The following PDE4B variants were observed in gnomAD, a reference collection of about 807,000 sequenced individuals.
PDE4B encodes phosphodiesterase 4B, also known as 3',5'-cyclic-AMP phosphodiesterase 4B.
In PDE4B, 20 loss-of-function variants were observed where a neutral mutation model predicts 82.2. The ratio of observed to expected loss-of-function variants is 0.24; its 90% CI spans 0.17 to 0.35. The LOEUF is 0.35. Among genes scored for constraint, PDE4B ranks in the 10% least tolerant of loss-of-function variants. The pLI, the probability that PDE4B is intolerant of heterozygous loss-of-function variation, is 1.00. For missense variants in PDE4B, 655 were observed against 907.2 expected (o/e 0.72, Z 3.57); for synonymous variants, 320 against 318.9 (o/e 1.00, Z -0.04).
chr1:66,178,433 T>C (rs1486463193), intron 3 of PDE4B, among the ~76,000 whole-genome samples: 1 of 152,174 alleles, frequency 6.6e-6, no homozygotes, highest in Admixed American at 6.5e-5. Context: ...TACCATATGA[T>C]AAATAAATAC....
chr1:66,210,614 A>AAAAAAG (rs1557636680), intron 3 of PDE4B, among the ~76,000 whole-genome samples: 30 of 149,038 alleles, frequency 2.0e-4, no homozygotes, highest in African/African-American at 6.4e-4. Context: ...AAAAAAAAAA[A>AAAAAAG]AAAAAGAAAA....
chr1:66,360,974 A>T (rs1662713979), intron 9 of PDE4B, among the ~76,000 whole-genome samples: 2 of 152,216 alleles, frequency 1.3e-5, no homozygotes, highest in South Asian at 4.1e-4. Context: ...CAGGCATGAA[A>T]TAAAACCAAA....
chr1:66,016,269 G>A (rs933039033), intron 3 of PDE4B, among the ~76,000 whole-genome samples: 2 of 152,160 alleles, frequency 1.3e-5, no homozygotes, highest in African/African-American at 4.8e-5. Context: ...CACAGGAAGA[G>A]ACTCATTAAT....
intron 3 of PDE4B, among the ~76,000 whole-genome samples, chr1:66,031,995 G>C (rs905620437): frequency 1.3e-5 from 2 of 152,182 alleles, no homozygotes; most frequent in Admixed American, 1.3e-4. Context: ...CACTGAGATA[G>C]ATGAAAAGCA....
intron 7 of PDE4B, among the ~76,000 whole-genome samples, chr1:66,314,553 C>G (rs545871497): frequency 1.3e-5 from 2 of 152,142 alleles, no homozygotes; most frequent in Non-Finnish European, 2.9e-5. Flanking sequence ...GCCGGGATTA[C>G]AGGAACCCAC....
intron 3 of PDE4B, among the ~76,000 whole-genome samples, chr1:66,048,052 G>A (rs564618969): frequency 6.6e-6 from 1 of 151,892 alleles, no homozygotes. Flanking sequence ...TTTCAGACTT[G>A]CTTCCAGTAT....
intron 3 of PDE4B, among the ~76,000 whole-genome samples, chr1:66,043,733 C>G (rs543859544): frequency 6.6e-6 from 1 of 151,734 alleles, no homozygotes; most frequent in African/African-American, 2.4e-5. Flanking sequence ...TGCACAAACA[C>G]TTGGAACTGT....
intron 3 of PDE4B, among the ~76,000 whole-genome samples, chr1:66,014,069 C>T (rs1043130164): frequency 7.0e-5 from 5 of 71,036 alleles, no homozygotes; most frequent in African/African-American, 1.0e-4. Context: ...CAGCTTTTCA[C>T]GTGATTATTG....
intron 3 of PDE4B, among the ~76,000 whole-genome samples, chr1:66,005,388 A>G (rs553401961): frequency 1.3e-5 from 2 of 152,296 alleles, no homozygotes; most frequent in African/African-American, 4.8e-5. Context: ...TACAGCATTT[A>G]AATCAAATTG....
chr1:66,257,249 A>T (rs916533417), intron 4 of PDE4B: 7 of 228,986 alleles, frequency 3.1e-5, no homozygotes, highest in Admixed American at 5.1e-5. Flanking sequence ...CTTTATCCAG[A>T]CTGTTATACC....
chr1:66,352,254 C>T (rs979344522), intron 8 of PDE4B, among the ~76,000 whole-genome samples: 1 of 152,126 alleles, frequency 6.6e-6, no homozygotes, highest in Admixed American at 6.6e-5. Flanking sequence ...TTTTTGGTAG[C>T]ATTGCTGTGC....
chr1:65,836,058 C>T (rs1044046145), intron 1 of PDE4B, among the ~76,000 whole-genome samples: 3 of 152,106 alleles, frequency 2.0e-5, no homozygotes, highest in Non-Finnish European at 2.9e-5. Context: ...TCTCCTGCCT[C>T]GGCCTCCAGA....
intron 1 of PDE4B, among the ~76,000 whole-genome samples, chr1:65,796,374 TG>T (rs1198022152): frequency 1.3e-5 from 2 of 151,902 alleles, no homozygotes; most frequent in African/African-American, 4.8e-5. Flanking sequence ...GATCTTTTGT[TG>T]TTGTCCTACA....
intron 1 of PDE4B, among the ~76,000 whole-genome samples, chr1:65,864,893 G>A (rs906805093): frequency 8.5e-5 from 13 of 152,178 alleles, no homozygotes; most frequent in Admixed American, 6.5e-4. Context: ...CTCAAACACC[G>A]TGCTGGGAGA....
rs1028456839 is a variant in PDE4B at position 66,373,561 on chromosome 1, G to T, written c.*883G>T. ...GTTCCCTACCTCCTCTCTTCACCCCGTTAGGCTGTTTTCAATGTAATGCTG... is the reference window on the plus strand; with the variant it reads ...GTTCCCTACCTCCTCTCTTCACCCCTTTAGGCTGTTTTCAATGTAATGCTG... On this transcript the variant is annotated 3_prime_UTR_variant, in exon 17 of 17. Coordinates refer to ENST00000341517, the MANE Select transcript of PDE4B (RefSeq NM_002600.4). 2 of 152,660 alleles carry T rather than the reference G, an allele frequency of 1.3e-5. No individual in the cohort carries two copies. The highest frequency in any genetic ancestry group is 4.8e-5 in the African/African-American group (2 of 41,422). 9.5% of individuals were successfully genotyped at this position (152,660 alleles called of 1,614,324 possible).
intron 3 of PDE4B, among the ~76,000 whole-genome samples, chr1:66,180,823 C>G (rs581575): frequency 6.6e-6 from 1 of 151,978 alleles, no homozygotes; most frequent in South Asian, 2.1e-4. Context: ...ACTCTGTGGA[C>G]TGAGAGAGAG....
chr1:66,326,563 C>A (rs994027091), intron 7 of PDE4B, among the ~76,000 whole-genome samples: 2 of 152,120 alleles, frequency 1.3e-5, no homozygotes, highest in South Asian at 2.1e-4. Context: ...GGCAATTGGT[C>A]CAATTGTTTT....
At chr1:65,920,600 G>T (rs1335932068) in intron 3 of PDE4B, among the ~76,000 whole-genome samples, 1 of 152,084 alleles carries the variant, frequency 6.6e-6, no homozygotes, top group African/African-American at 2.4e-5. Flanking sequence ...TACCTCATAG[G>T]CTATTGTGAG....
In PDE4B at chr1:65,809,657, T is replaced by C. The variant is rs143909872; in HGVS notation, c.-71+16409T>C. Reference sequence around the variant, plus strand: ...TAAAGAGGCTTTAGCATTCATAGCTTGGAATTGGATAGTTTATGGTTATTT... The same window carrying C: ...TAAAGAGGCTTTAGCATTCATAGCTCGGAATTGGATAGTTTATGGTTATTT... On this transcript the variant is annotated intron_variant, in intron 1 of 16. Transcript: ENST00000341517. 2.2e-3 allele frequency among the ~76,000 whole-genome samples: 337 copies of C among 152,302 alleles called. 3 individuals are homozygous for C. The highest frequency in any genetic ancestry group is 7.6e-3 in the African/African-American group (315 of 41,568).
Sources: gnomAD v4.1 joint callset for allele counts (sites outside exome capture counted in the v4.1 genomes callset) on GRCh38, gnomAD v4.1.1 for gene constraint, MANE v1.5 for transcripts, NCBI Gene and HGNC (gene_info 2026-07-23, HGNC 2026-07-21) for gene names.